The following MYO9A variants were observed in gnomAD, a reference collection of about 807,000 sequenced individuals.
MYO9A encodes myosin IXA.
A neutral mutation model predicts 293.3 loss-of-function variants in MYO9A; 103 were observed. The observed-to-expected ratio is 0.35, with a 90% CI of 0.30 to 0.41. The LOEUF (loss-of-function observed/expected upper bound fraction) is 0.41. MYO9A is among the 10% of genes least tolerant of loss of function. The pLI is 1.00. For missense variants in MYO9A, 2,685 were observed against 3,033.0 expected (o/e 0.89, Z 2.69); for synonymous variants, 1,001 against 1,035.7 (o/e 0.97, Z 0.64).
chr15:71,831,242 C>T (rs1407321265), intron 39 of MYO9A, among the ~76,000 whole-genome samples: 1 of 152,186 alleles, frequency 6.6e-6, no homozygotes, highest in Non-Finnish European at 1.5e-5. Context: ...GCCCGTGTGG[C>T]AAATCTAGCC....
chr15:72,082,161 TG>T (rs1217681768), intron 1 of MYO9A, among the ~76,000 whole-genome samples: 1 of 152,166 alleles, frequency 6.6e-6, no homozygotes, highest in Non-Finnish European at 1.5e-5. Context: ...CCTATGAATG[TG>T]GAATGTTTTT....
chr15:71,847,498 C>G (rs1024088013), intron 39 of MYO9A: 7 of 450,064 alleles, frequency 1.6e-5, no homozygotes, highest in South Asian at 4.7e-5. Context: ...AAAAGGAAAG[C>G]AGAAGGTTAG....
chr15:72,020,871 A>C, intron 5 of MYO9A, 47 bp downstream of exon 5: 1 of 1,181,456 alleles, frequency 8.5e-7, no homozygotes, highest in South Asian at 2.0e-5. Flanking sequence ...TCAAGCATTA[A>C]ATTTAATACT....
At chr15:71,891,832 A>G (rs1258010063) in intron 26 of MYO9A, 3 of 152,222 alleles carry the variant, frequency 2.0e-5, no homozygotes, top group Non-Finnish European at 4.4e-5. Flanking sequence ...AAAGACAACG[A>G]GAGTATTCTG....
intron 2 of MYO9A, among the ~76,000 whole-genome samples, chr15:72,032,812 C>G (rs1268913551): frequency 6.6e-6 from 1 of 151,880 alleles, no homozygotes; most frequent in Non-Finnish European, 1.5e-5. Context: ...TTATTTTGTG[C>G]TATTCAGTAA....
At chr15:72,103,872 AT>A (rs1252801783) in intron 1 of MYO9A, among the ~76,000 whole-genome samples, 1 of 152,230 alleles carries the variant, frequency 6.6e-6, no homozygotes, top group Non-Finnish European at 1.5e-5. Context: ...GAGGGGGGAT[AT>A]GTTGACAAGG....
chr15:72,033,146 C>G (rs2077930198), intron 2 of MYO9A, among the ~76,000 whole-genome samples: 1 of 152,098 alleles, frequency 6.6e-6, no homozygotes, highest in South Asian at 2.1e-4. Flanking sequence ...CCACTGCACC[C>G]AGCCAAAATA....
intron 1 of MYO9A, among the ~76,000 whole-genome samples, chr15:72,060,046 T>G (rs1291997180): frequency 6.6e-6 from 1 of 152,240 alleles, no homozygotes; most frequent in African/African-American, 2.4e-5. Context: ...TGAGGCGAAT[T>G]ACAAAAGTCC....
At chr15:72,016,126 ATTACCACTT>A (rs2077331319) in intron 6 of MYO9A, among the ~76,000 whole-genome samples, 1 of 152,206 alleles carries the variant, frequency 6.6e-6, no homozygotes, top group African/African-American at 2.4e-5. Context: ...TTAATAGATT[ATTACCACTT>A]GAAGAGGGGA....
intron 1 of MYO9A, among the ~76,000 whole-genome samples, chr15:72,101,069 G>T (rs2080286450): frequency 7.1e-6 from 1 of 141,140 alleles, no homozygotes; most frequent in African/African-American, 2.6e-5. Context: ...AGGGAGGTGG[G>T]GGGTTCAGCC....
Position 72,045,986 on chromosome 15 carries a change from G to C in MYO9A, c.578C>G (p.Pro193Arg). ...TTTGACATATTTGGGGTTATAAATAGGAAGAAACTTGAATGGGTTAATAAC... is the reference window on the plus strand; with the variant it reads ...TTTGACATATTTGGGGTTATAAATACGAAGAAACTTGAATGGGTTAATAAC... ...LIVINPFKFL[P>R]IYNPKYVKMY... Residue 193 changes from proline (P) to arginine (R), a missense_variant, in exon 2 of 42, where the codon CCT (proline) becomes CGT (arginine). Physicochemically the swap from Pro to Arg is moderately radical, Grantham distance 103. Coordinates refer to ENST00000356056, the MANE Select transcript of MYO9A (RefSeq NM_006901.4). 6.2e-7 allele frequency: 1 copy of C among 1,614,122 alleles called. No individual in the cohort carries two copies. Among genetic ancestry groups the C allele is most frequent in the Non-Finnish European group, 8.5e-7 (1 of 1,180,024 alleles).
chr15:71,869,856 A>G (rs1269821103), intron 32 of MYO9A, among the ~76,000 whole-genome samples: 1 of 152,210 alleles, frequency 6.6e-6, no homozygotes, highest in Non-Finnish European at 1.5e-5. Flanking sequence ...TTAAACATTT[A>G]TAGATGCTTA....
At chr15:71,967,002 A>T (rs1005019515) in intron 13 of MYO9A, among the ~76,000 whole-genome samples, 1 of 152,144 alleles carries the variant, frequency 6.6e-6, no homozygotes, top group Admixed American at 6.5e-5. Flanking sequence ...TTATTTCACC[A>T]TATCAAACTC....
chr15:72,101,306 G>A (rs1417215759), intron 1 of MYO9A, among the ~76,000 whole-genome samples: 64 of 138,194 alleles, frequency 4.6e-4, no homozygotes, highest in Non-Finnish European at 8.2e-4. Flanking sequence ...TCAGCCCCCC[G>A]CCAGGCCAGC....
chr15:72,002,246 ATTTTTTT>A (rs34970982), intron 8 of MYO9A, among the ~76,000 whole-genome samples: 50 of 140,156 alleles, frequency 3.6e-4, no homozygotes, highest in African/African-American at 1.2e-3. Flanking sequence ...TGACCAGCTA[ATTTTTTT>A]TTTTTTTTTT....
At chr15:72,104,660 T>C (rs1297333141) in intron 1 of MYO9A, among the ~76,000 whole-genome samples, 1 of 152,238 alleles carries the variant, frequency 6.6e-6, no homozygotes, top group Non-Finnish European at 1.5e-5. Context: ...CCAACTGTCA[T>C]TCTACAAGCC....
At chr15:71,932,272 A>G (rs989289144) in intron 18 of MYO9A, among the ~76,000 whole-genome samples, 4 of 152,094 alleles carry the variant, frequency 2.6e-5, no homozygotes, top group Non-Finnish European at 4.4e-5. Context: ...CTTGGGGGAA[A>G]AAAGTGGGCC....
At chr15:71,894,585 C>CAAAAAA (rs2057270703) in intron 25 of MYO9A, among the ~76,000 whole-genome samples, 1 of 151,890 alleles carries the variant, frequency 6.6e-6, no homozygotes, top group Non-Finnish European at 1.5e-5. Flanking sequence ...CTCAAAAAAA[C>CAAAAAA]CAAAAAACAA....
chr15:71,888,523 T>G (rs962432894), intron 26 of MYO9A: 3 of 153,454 alleles, frequency 2.0e-5, no homozygotes, highest in Admixed American at 2.0e-4. Context: ...CTATTATAAG[T>G]TCTTCATATA....
Sources: gnomAD v4.1 joint callset for allele counts (sites outside exome capture counted in the v4.1 genomes callset) on GRCh38, gnomAD v4.1.1 for gene constraint, MANE v1.5 for transcripts, NCBI Gene and HGNC (gene_info 2026-07-23, HGNC 2026-07-21) for gene names.